The following ROCK1 variants were observed in gnomAD, a reference collection of about 807,000 sequenced individuals.
The protein encoded by ROCK1 is rho-associated protein kinase 1.
A neutral mutation model predicts 196.8 loss-of-function variants in ROCK1; 36 were observed. The observed-to-expected ratio is 0.18, with a 90% CI of 0.14 to 0.24. ROCK1 has a LOEUF of 0.24. Among genes scored for constraint, ROCK1 ranks in the 10% least tolerant of loss-of-function variants. The pLI is 1.00. For missense variants in ROCK1, 920 were observed against 1,562.0 expected, an observed-to-expected ratio of 0.59 and a Z score of 6.93; for synonymous variants, 443 against 515.9, an observed-to-expected ratio of 0.86 and a Z score of 1.91.
intron 6 of ROCK1, among the ~76,000 whole-genome samples, chr18:21,043,581 TG>T (rs1456384046): frequency 4.0e-5 from 6 of 148,356 alleles, no homozygotes; most frequent in Non-Finnish European, 8.9e-5. Context: ...ATAATGTATA[TG>T]TATATACATA....
chr18:20,960,096 G>T, intron 28 of ROCK1, 40 bp downstream of exon 28: 1 of 1,352,894 alleles, frequency 7.4e-7, no homozygotes, highest in Non-Finnish European at 1.1e-6. Flanking sequence ...GTAAAATATA[G>T]AACAAAATAC....
chr18:21,026,293 A>T (rs1193148357), intron 10 of ROCK1, among the ~76,000 whole-genome samples: 1 of 152,016 alleles, frequency 6.6e-6, no homozygotes, highest in East Asian at 1.9e-4. Flanking sequence ...AAAAATACAA[A>T]ATTAGCCGGG....
rs1480780202 is a variant in ROCK1, at chr18:21,069,848, TAAAAC to T, written c.175+679_175+683del. On this transcript the variant is annotated intron_variant, in intron 2 of 32. Coordinates refer to ENST00000399799, the MANE Select transcript of ROCK1 (RefSeq NM_005406.3). ...CTGGCACCATATTCAAAAACGAAAA[TAAAAC>T]AATAATTTTTTAAAAATTGAAAAAC... Among the ~76,000 whole-genome samples, 6 of 151,804 alleles carry T rather than the reference TAAAAC, an allele frequency of 4.0e-5. No homozygotes were observed. The South Asian group carries it at 1.2e-3, about 32-fold the overall frequency.
chr18:21,066,054 A>G (rs547249365), intron 2 of ROCK1, among the ~76,000 whole-genome samples: 2 of 152,174 alleles, frequency 1.3e-5, no homozygotes, highest in Non-Finnish European at 2.9e-5. Flanking sequence ...GCAAAAAGCA[A>G]TTAGAAACAA....
chr18:21,052,988 T>C (rs2036216590), intron 2 of ROCK1, among the ~76,000 whole-genome samples: 1 of 152,236 alleles, frequency 6.6e-6, no homozygotes, highest in Admixed American at 6.5e-5. Context: ...GGGGAGACTA[T>C]ATACACAGGC....
intron 21 of ROCK1, among the ~76,000 whole-genome samples, chr18:20,981,120 C>T (rs1389277940): frequency 6.0e-5 from 9 of 149,014 alleles, no homozygotes; most frequent in Admixed American, 4.7e-4. Flanking sequence ...AAGGGCCGGG[C>T]GCAGTGGCTC....
At chr18:21,063,167 TG>T (rs1355614692) in intron 2 of ROCK1, among the ~76,000 whole-genome samples, 1 of 152,154 alleles carries the variant, frequency 6.6e-6, no homozygotes, top group East Asian at 1.9e-4. Flanking sequence ...AATCCATTCA[TG>T]GGGGTGGAAC....
intron 2 of ROCK1, among the ~76,000 whole-genome samples, chr18:21,053,960 A>G (rs2036226167): frequency 6.6e-6 from 1 of 152,272 alleles, no homozygotes; most frequent in African/African-American, 2.4e-5. Context: ...AAAACTGTCA[A>G]GCTGTAACAG....
chr18:21,008,892 T>C (rs953924905), intron 13 of ROCK1, among the ~76,000 whole-genome samples: 1 of 152,194 alleles, frequency 6.6e-6, no homozygotes, highest in Non-Finnish European at 1.5e-5. Context: ...ATAACAATAG[T>C]ACAATAACAA....
At chr18:21,069,937 A>T (rs1400515606) in intron 2 of ROCK1, among the ~76,000 whole-genome samples, 5 of 152,168 alleles carry the variant, frequency 3.3e-5, no homozygotes, top group Admixed American at 2.0e-4. Flanking sequence ...GAAGTGATTT[A>T]AAAAATCAAA....
intron 19 of ROCK1, among the ~76,000 whole-genome samples, chr18:20,985,943 G>A (rs1482548178): frequency 2.6e-5 from 4 of 151,994 alleles, no homozygotes; most frequent in Non-Finnish European, 5.9e-5. Flanking sequence ...CTGCAGCCTC[G>A]ACCTCCTGAG....
chr18:21,022,240 A>T (rs1414855061), intron 11 of ROCK1, among the ~76,000 whole-genome samples: 1 of 152,182 alleles, frequency 6.6e-6, no homozygotes, highest in Admixed American at 6.5e-5. Flanking sequence ...GATATTTTTC[A>T]GAAAATTCCT....
chr18:20,983,622 C>G lies in ROCK1; in HGVS notation c.2489+729G>C, dbSNP rs1293656135. Among the ~76,000 whole-genome samples the G allele has an allele frequency of 9.2e-5, 14 of 151,946 alleles. 1 individual carries two copies. Among genetic ancestry groups the G allele is most frequent in the Admixed American group, 8.5e-4 (13 of 15,246 alleles). ...AAAAGGCATGTGGCTGACAGAAAGTCTACACCAATCTCCACTGAATGCTGA... is the reference window on the plus strand; with the variant it reads ...AAAAGGCATGTGGCTGACAGAAAGTGTACACCAATCTCCACTGAATGCTGA... On this transcript the variant is annotated intron_variant, in intron 20 of 32. Coordinates refer to ENST00000399799, the MANE Select transcript of ROCK1 (RefSeq NM_005406.3).
At chr18:21,093,307 C>CT (rs1282412869) in intron 1 of ROCK1, among the ~76,000 whole-genome samples, 1 of 152,158 alleles carries the variant, frequency 6.6e-6, no homozygotes, top group African/African-American at 2.4e-5. Context: ...TTTGCAAAAC[C>CT]TTTGGGGCCA....
At chr18:21,108,352 C>T (rs1598566270) in intron 1 of ROCK1, among the ~76,000 whole-genome samples, 6 of 152,284 alleles carry the variant, frequency 3.9e-5, no homozygotes, top group Admixed American at 3.9e-4. Context: ...TCATTTTTCC[C>T]TCCATTGTTT....
rs757310577 is a variant in ROCK1, at chr18:20,968,778, T to C, written c.2997A>G (p.Lys999=). Reference sequence around the variant, plus strand: ...AGATCGAAAGCATGTATACCTGTGTTTTAAGGGTTCGTTCAGTGTTGATAT... The same window carrying C: ...AGATCGAAAGCATGTATACCTGTGTCTTAAGGGTTCGTTCAGTGTTGATAT... ...EKNINTERTL[K]TQAVNKLAEI... Residue 999 remains lysine (K), a synonymous_variant, in exon 25 of 33, where the codon AAA becomes AAG. Coordinates refer to ENST00000399799, the MANE Select transcript of ROCK1 (RefSeq NM_005406.3). 5.0e-6 allele frequency: 8 copies of C among 1,586,158 alleles called. No individual in the cohort carries two copies. In the South Asian group the frequency reaches 8.8e-5, roughly 18 times the overall value.
At chr18:21,101,465 TA>T (rs1403310368) in intron 1 of ROCK1, among the ~76,000 whole-genome samples, 1 of 152,100 alleles carries the variant, frequency 6.6e-6, no homozygotes, top group African/African-American at 2.4e-5. Flanking sequence ...AAATCTGAAA[TA>T]AGTAAATCAA....
chr18:21,059,676 T>C (rs2036272232), intron 2 of ROCK1, among the ~76,000 whole-genome samples: 1 of 152,132 alleles, frequency 6.6e-6, no homozygotes. Context: ...ACCCACCAAT[T>C]CCACTTCTAG....
At chr18:20,997,836 AT>A (rs112658977) in intron 16 of ROCK1, among the ~76,000 whole-genome samples, 26,564 of 141,642 alleles carry the variant, frequency 0.19, 4,948 homozygotes, top group African/African-American at 0.49. Context: ...CAACAAGTGG[AT>A]TTTTTTTTTT....
Sources: allele counts gnomAD v4.1 joint callset (sites outside exome capture counted in the v4.1 genomes callset), GRCh38; gene constraint gnomAD v4.1.1; transcripts MANE v1.5; gene names NCBI Gene and HGNC (gene_info 2026-07-23, HGNC 2026-07-21).